DLG2: variants seen among roughly 807,000 people sequenced by gnomAD.
DLG2 encodes disks large homolog 2.
In DLG2, 45 loss-of-function variants were observed where a neutral mutation model predicts 132.5. The ratio of observed to expected loss-of-function variants is 0.34; its 90% confidence interval spans 0.27 to 0.44. The LOEUF is 0.44. Ranked by LOEUF, DLG2 falls within the 20% of genes least tolerant of loss-of-function variation. The probability of loss-of-function intolerance (pLI) is 1.00; values close to 1 mark genes in which losing one functional copy is unlikely to be tolerated. For missense variants in DLG2, 1,045 were observed against 1,196.9 expected, an observed-to-expected ratio of 0.87 and a Z score of 1.87; for synonymous variants, 424 against 419.6, an observed-to-expected ratio of 1.01 and a Z score of -0.13.
intron 7 of DLG2, among the ~76,000 whole-genome samples, chr11:84,367,990 A>T (rs1600767913): frequency 6.6e-6 from 1 of 152,084 alleles, no homozygotes; most frequent in East Asian, 1.9e-4. Flanking sequence ...CTGTACCTAC[A>T]TTTTCTAGTT....
chr11:84,731,835 T>C (rs1285243756), intron 6 of DLG2, among the ~76,000 whole-genome samples: 1 of 152,048 alleles, frequency 6.6e-6, no homozygotes, highest in Non-Finnish European at 1.5e-5. Flanking sequence ...ATTTTCAACA[T>C]ACGTATACAT....
At chr11:83,925,105 G>A (rs762362480) in intron 15 of DLG2, among the ~76,000 whole-genome samples, 4 of 152,050 alleles carry the variant, frequency 2.6e-5, no homozygotes, top group Non-Finnish European at 2.9e-5. Flanking sequence ...CATACTCTGA[G>A]TTCCCACATA....
intron 3 of DLG2, among the ~76,000 whole-genome samples, chr11:85,330,792 T>TAAAAAAAAA (rs56995757): frequency 5.1e-4 from 59 of 116,392 alleles, no homozygotes; most frequent in Non-Finnish European, 6.5e-4. Context: ...AAAAAAAAAT[T>TAAAAAAAAA]AAAAAAAAAA....
chr11:85,617,140 C>G (rs538976679), intron 2 of DLG2, among the ~76,000 whole-genome samples: 1 of 152,224 alleles, frequency 6.6e-6, no homozygotes, highest in South Asian at 2.1e-4. Context: ...ATTTACAGAC[C>G]AAGTCCAGCT....
At chr11:85,425,715 G>T (rs544761331) in intron 3 of DLG2, among the ~76,000 whole-genome samples, 1 of 152,126 alleles carries the variant, frequency 6.6e-6, no homozygotes, top group Admixed American at 6.5e-5. Flanking sequence ...CATGAGCGAC[G>T]CAGAAGATGG....
intron 6 of DLG2, among the ~76,000 whole-genome samples, chr11:84,827,851 A>G (rs1009881225): frequency 6.6e-6 from 1 of 151,750 alleles, no homozygotes; most frequent in African/African-American, 2.4e-5. Context: ...AGTCAGGCCC[A>G]GAAAGACAAA....
intron 16 of DLG2, among the ~76,000 whole-genome samples, chr11:83,851,093 T>C (rs1283798220): frequency 2.7e-5 from 4 of 147,466 alleles, no homozygotes; most frequent in Admixed American, 6.8e-5. Flanking sequence ...AGGAGAATGG[T>C]GTGAACCTGG....
At chr11:85,280,273 G>T (rs1230792776) in intron 4 of DLG2, among the ~76,000 whole-genome samples, 1 of 151,944 alleles carries the variant, frequency 6.6e-6, no homozygotes, top group Non-Finnish European at 1.5e-5. Flanking sequence ...TCCAGGAATT[G>T]TACTCAGCAC....
rs557154955 is a variant in DLG2 at position 85,472,319 on chromosome 11, T to C, written c.40+126338A>G. ...CTGTTTTTTGTTTTTGTTTTTGTTT[T>C]TGAGACAGAGTCTCACTCTGTCACC... On this transcript the variant is annotated intron_variant, in intron 3 of 27. Coordinates refer to ENST00000376104, the MANE Select transcript of DLG2 (RefSeq NM_001142699.3). Among the ~76,000 whole-genome samples, 42 of 152,248 alleles carry C rather than the reference T, an allele frequency of 2.8e-4. 2 individuals are homozygous for C. Among genetic ancestry groups the C allele is most frequent in the African/African-American group, 9.9e-4 (41 of 41,544 alleles).
intron 6 of DLG2, among the ~76,000 whole-genome samples, chr11:84,749,965 A>C (rs1381146396): frequency 6.6e-6 from 1 of 152,164 alleles, no homozygotes; most frequent in Non-Finnish European, 1.5e-5. Context: ...AGTGCCTAGC[A>C]TATAGTAAGT....
intron 6 of DLG2, among the ~76,000 whole-genome samples, chr11:84,553,645 G>A (rs1048692847): frequency 3.3e-5 from 5 of 152,166 alleles, no homozygotes; most frequent in Admixed American, 2.6e-4. Flanking sequence ...ACTCACGGAG[G>A]AGGAACCATA....
intron 6 of DLG2, among the ~76,000 whole-genome samples, chr11:84,762,567 G>T (rs1369983646): frequency 6.6e-6 from 1 of 152,138 alleles, no homozygotes; most frequent in Admixed American, 6.5e-5. Flanking sequence ...TTCAAAATTT[G>T]ACTACAACAA....
chr11:85,035,624 G>A (rs1321660223), intron 6 of DLG2, among the ~76,000 whole-genome samples: 2 of 152,130 alleles, frequency 1.3e-5, no homozygotes, highest in African/African-American at 2.4e-5. Flanking sequence ...GGTTCACAAT[G>A]AGATTTTGAT....
chr11:83,906,232 G>GTCTCTCTCTCTCTCTCTC lies in DLG2; in HGVS notation c.1496+24078_1496+24095dup, dbSNP rs144862801. On this transcript the variant is annotated intron_variant, in intron 15 of 27. Transcript: ENST00000376104. Reference sequence around the variant, plus strand: ...TAACTGGAAGATTGCTATAGTAGATGTCTCTCTCTCTCTCTCTCTCTCTCT... The same window carrying GTCTCTCTCTCTCTCTCTC: ...TAACTGGAAGATTGCTATAGTAGATGTCTCTCTCTCTCTCTCTCTCTCTCTCTCTCTCTCTCTCTCTCT... Among the ~76,000 whole-genome samples, 584 of 71,566 alleles carry GTCTCTCTCTCTCTCTCTC rather than the reference G, an allele frequency of 8.2e-3. 14 individuals carry two copies. Among genetic ancestry groups the GTCTCTCTCTCTCTCTCTC allele is most frequent in the Middle Eastern group, 0.018 (2 of 114 alleles). The allele number at this position is 71,566 out of a possible 152,430, so 47.0% of individuals were successfully genotyped here.
intron 14 of DLG2, among the ~76,000 whole-genome samples, chr11:83,961,481 G>T (rs1349877175): frequency 6.6e-6 from 1 of 151,982 alleles, no homozygotes; most frequent in Non-Finnish European, 1.5e-5. Context: ...TAAAAGCTAT[G>T]TGACCATAAG....
intron 11 of DLG2, among the ~76,000 whole-genome samples, chr11:84,018,538 C>T (rs1248010318): frequency 2.6e-5 from 4 of 151,796 alleles, no homozygotes; most frequent in Non-Finnish European, 5.9e-5. Context: ...TTAATGGCTG[C>T]TAATGTAAAA....
chr11:85,317,191 G>C (rs1417515296), intron 3 of DLG2, among the ~76,000 whole-genome samples: 1 of 151,964 alleles, frequency 6.6e-6, no homozygotes, highest in Non-Finnish European at 1.5e-5. Context: ...AAGCCAGTGT[G>C]GCGTGACAAC....
intron 7 of DLG2, among the ~76,000 whole-genome samples, chr11:84,296,555 C>G (rs1394233584): frequency 6.6e-6 from 1 of 152,130 alleles, no homozygotes; most frequent in Non-Finnish European, 1.5e-5. Context: ...GTGCCTGCCT[C>G]AGCCTCTGGA....
At chr11:83,715,174 C>A (rs2086413883) in intron 18 of DLG2, among the ~76,000 whole-genome samples, 1 of 152,118 alleles carries the variant, frequency 6.6e-6, no homozygotes. Flanking sequence ...GTCTGAGGAT[C>A]AAAAACTCAC....
Sources: allele counts gnomAD v4.1 joint callset (sites outside exome capture counted in the v4.1 genomes callset), GRCh38; gene constraint gnomAD v4.1.1; transcripts MANE v1.5; gene names NCBI Gene and HGNC (gene_info 2026-07-23, HGNC 2026-07-21).